Variants in LRP1B observed in about 807,000 individuals in gnomAD.
LRP1B encodes the protein LDL receptor related protein 1B.
LRP1B carries 217 observed loss-of-function variants against 556.6 expected under a neutral mutation model. That is an observed-to-expected ratio of 0.39 (90% CI 0.35 to 0.44). The LOEUF is 0.44. Among genes scored for constraint, LRP1B ranks in the 20% least tolerant of loss-of-function variants. The pLI is 1.00. For synonymous variants in LRP1B, 2,047 were observed against 1,865.8 expected (o/e 1.10, Z -2.50); for missense variants, 5,053 against 5,620.8 (o/e 0.90, Z 3.23).
chr2:141,024,356 C>A (rs1202932138), intron 11 of LRP1B, among the ~76,000 whole-genome samples: 1 of 151,914 alleles, frequency 6.6e-6, no homozygotes, highest in Admixed American at 6.6e-5. Context: ...GAACAAAATA[C>A]CTTGATGTTG....
chr2:141,925,947 G>T (rs1251350135), intron 1 of LRP1B, among the ~76,000 whole-genome samples: 6 of 152,108 alleles, frequency 3.9e-5, no homozygotes, highest in African/African-American at 1.4e-4. Flanking sequence ...TGGGACAGTT[G>T]TGAAGATTTA....
intron 43 of LRP1B, among the ~76,000 whole-genome samples, chr2:140,547,495 T>C (rs539271386): frequency 3.9e-5 from 6 of 152,256 alleles, no homozygotes; most frequent in South Asian, 4.1e-4. Flanking sequence ...GGGTCAGTGG[T>C]AATATCTCCT....
At chr2:142,086,607 T>C (rs905213356) in intron 1 of LRP1B, among the ~76,000 whole-genome samples, 4 of 132,742 alleles carry the variant, frequency 3.0e-5, no homozygotes, top group Non-Finnish European at 4.7e-5. Context: ...CAAGACTCCA[T>C]CTCAAAAACA....
intron 1 of LRP1B, among the ~76,000 whole-genome samples, chr2:142,084,529 C>T (rs984292350): frequency 1.3e-5 from 2 of 152,170 alleles, no homozygotes; most frequent in African/African-American, 2.4e-5. Flanking sequence ...TTCACACCCA[C>T]CTCTCCAACT....
At chr2:142,106,213 G>A (rs921642501) in intron 1 of LRP1B, among the ~76,000 whole-genome samples, 8 of 152,122 alleles carry the variant, frequency 5.3e-5, no homozygotes, top group African/African-American at 1.9e-4. Flanking sequence ...ATCTATAGAA[G>A]CAAGTTAAGG....
At chr2:140,978,984 A>G (rs1483453994) in intron 18 of LRP1B, among the ~76,000 whole-genome samples, 2 of 151,870 alleles carry the variant, frequency 1.3e-5, no homozygotes, top group East Asian at 3.9e-4. Context: ...GCTTATTTTT[A>G]TTTTATTTTT....
intron 1 of LRP1B, among the ~76,000 whole-genome samples, chr2:141,945,521 G>A (rs192727200): frequency 2.3e-4 from 33 of 142,648 alleles, no homozygotes; most frequent in Admixed American, 1.9e-3. Context: ...AGTTTATATT[G>A]TATATGTATG....
chr2:141,936,932 T>C (rs1249660481), intron 1 of LRP1B, among the ~76,000 whole-genome samples: 2 of 151,804 alleles, frequency 1.3e-5, no homozygotes, highest in South Asian at 2.1e-4. Context: ...CTTTCCACCA[T>C]AGTATTTAAC....
At chr2:141,152,426 A>G (rs1701947415) in intron 7 of LRP1B, among the ~76,000 whole-genome samples, 1 of 151,994 alleles carries the variant, frequency 6.6e-6, no homozygotes, top group African/African-American at 2.4e-5. Flanking sequence ...CACTCAGGAA[A>G]AAATTATTCC....
At chr2:140,632,287 A>T (rs1683914620) in intron 41 of LRP1B, among the ~76,000 whole-genome samples, 2 of 152,136 alleles carry the variant, frequency 1.3e-5, no homozygotes, top group African/African-American at 4.8e-5. Context: ...TTTTTTTAAA[A>T]TAATAATAGA....
chr2:140,536,119 G>T (rs1486818963), intron 46 of LRP1B, among the ~76,000 whole-genome samples: 2 of 151,520 alleles, frequency 1.3e-5, no homozygotes, highest in Admixed American at 1.3e-4. Context: ...AATAAGTCGG[G>T]GGTTCAAAAG....
chr2:141,219,734 G>A (rs942017529), intron 6 of LRP1B, among the ~76,000 whole-genome samples: 2 of 152,142 alleles, frequency 1.3e-5, no homozygotes, highest in African/African-American at 4.8e-5. Flanking sequence ...GAAGGAACAG[G>A]AAGCCATCTT....
chr2:141,149,267 T>G (rs948115066), intron 7 of LRP1B, among the ~76,000 whole-genome samples: 3 of 152,102 alleles, frequency 2.0e-5, no homozygotes, highest in African/African-American at 7.2e-5. Context: ...GTATTCATAC[T>G]ACTAGTTTTC....
At chr2:141,630,887 T>C (rs1688883288) in intron 2 of LRP1B, among the ~76,000 whole-genome samples, 2 of 152,236 alleles carry the variant, frequency 1.3e-5, no homozygotes, top group South Asian at 4.1e-4. Context: ...TGTCTTACTT[T>C]CCTCCACCTT....
At chr2:141,859,691 G>A (rs1698177719) in intron 1 of LRP1B, among the ~76,000 whole-genome samples, 1 of 152,240 alleles carries the variant, frequency 6.6e-6, no homozygotes, top group East Asian at 1.9e-4. Flanking sequence ...TTTAGGTGGT[G>A]AATATAATAA....
chr2:141,150,980 A>G (rs550087570), intron 7 of LRP1B, among the ~76,000 whole-genome samples: 1 of 151,484 alleles, frequency 6.6e-6, no homozygotes, highest in South Asian at 2.1e-4. Flanking sequence ...ATCAGTCATT[A>G]AGTCATTCAC....
At chr2:141,186,146 G>T (rs1377139569) in intron 7 of LRP1B, among the ~76,000 whole-genome samples, 1 of 150,668 alleles carries the variant, frequency 6.6e-6, no homozygotes, top group Admixed American at 6.6e-5. Context: ...TCCTTTTGGG[G>T]GGTAAGGCAA....
intron 43 of LRP1B, among the ~76,000 whole-genome samples, chr2:140,595,117 T>C (rs1470664773): frequency 7.8e-5 from 8 of 102,080 alleles, no homozygotes; most frequent in African/African-American, 3.3e-4. Context: ...TATATATATA[T>C]ATATATATAT....
At chr2:141,301,629 TG>T (rs780991612) in intron 3 of LRP1B, among the ~76,000 whole-genome samples, 41 of 152,186 alleles carry the variant, frequency 2.7e-4, no homozygotes, top group Non-Finnish European at 4.6e-4. Context: ...TTAAATGACT[TG>T]CCACTACCAG....
Sources: allele counts gnomAD v4.1 joint callset (sites outside exome capture counted in the v4.1 genomes callset), GRCh38; gene constraint gnomAD v4.1.1; transcripts MANE v1.5; gene names NCBI Gene and HGNC (gene_info 2026-07-23, HGNC 2026-07-21).